The following REPIN1 variants were observed in gnomAD, a reference collection of about 807,000 sequenced individuals.
REPIN1 encodes the protein DNA-binding protein REPIN1.
In REPIN1, 4 loss-of-function variants were observed where a neutral mutation model predicts 5.7. The observed-to-expected ratio is 0.71, with a 90% CI of 0.35 to 1.62. The LOEUF is 1.62. REPIN1 is among the 40% of genes most tolerant of loss of function. The probability of loss-of-function intolerance (pLI) is 0.05; values close to 1 mark genes in which losing one functional copy is unlikely to be tolerated. For synonymous variants in REPIN1, 410 were observed against 386.2 expected (o/e 1.06, Z -0.72); for missense variants, 854 against 901.0 (o/e 0.95, Z 0.67).
In REPIN1 at chr7:150,372,544, G is replaced by A. The variant is rs1177806696; in HGVS notation, c.1474G>A (p.Glu492Lys). 10 of 1,574,150 alleles carry A rather than the reference G, an allele frequency of 6.4e-6. No individual in the cohort carries two copies. The highest frequency in any genetic ancestry group is 8.6e-6 in the Non-Finnish European group (10 of 1,165,610). ...HSGERPFACE[E>K]CGRRFSQGSH... is the part of the protein sequence containing the mutation. ...CGGCGAGCGGCCCTTCGCCTGCGAGGAGTGCGGCCGCCGCTTCTCCCAGGG... is the reference window on the plus strand; with the variant it reads ...CGGCGAGCGGCCCTTCGCCTGCGAGAAGTGCGGCCGCCGCTTCTCCCAGGG... Residue 492 changes from glutamate to lysine, a missense_variant, in exon 3 of 3, where the codon GAG becomes AAG. By Grantham distance (56) the Glu-to-Lys change is moderately conservative. This residue lies in a region of REPIN1 where 327 missense variants were observed against 307.8 expected (regional missense o/e 1.06). Transcript: ENST00000489432.
At position 150,372,011 on chromosome 7, in the gene REPIN1, T is replaced by C. The variant is rs769490756; in HGVS notation, c.941T>C (p.Val314Ala). Residue 314 changes from valine to alanine, a missense_variant, in exon 3 of 3, where the codon GTG (valine) becomes GCG (alanine). This residue lies in a region of REPIN1 where 12 missense variants were observed against 29.8 expected (regional missense o/e 0.40). Transcript: ENST00000489432. ...CCCAACTTGATCGCTCACCGCCGCGTGCACACGGGCGAGCGGCCCCACCAG... is the reference window on the plus strand; with the variant it reads ...CCCAACTTGATCGCTCACCGCCGCGCGCACACGGGCGAGCGGCCCCACCAG... ...HKPNLIAHRRVHTGERPHQCP... is the reference protein window; with the variant it reads ...HKPNLIAHRRAHTGERPHQCP... The C allele has an allele frequency of 2.5e-5, 40 of 1,611,902 alleles. No individual in the cohort carries two copies. Among genetic ancestry groups the C allele is most frequent in the Non-Finnish European group, 3.3e-5 (39 of 1,179,676 alleles).
chr7:150,370,973 CT>C (rs1799636597), intron 2 of REPIN1: 1 of 646,818 alleles, frequency 1.5e-6, no homozygotes, highest in Non-Finnish European at 2.8e-6. Context: ...GAGGGGGATT[CT>C]AGTATCAGAG....
chr7:150,372,506 C>G lies in REPIN1; in HGVS notation c.1436C>G (p.Ser479Trp), dbSNP rs371101994. Residue 479 changes from serine (S) to tryptophan (W), a missense_variant, in exon 3 of 3, where the codon TCG (serine) becomes TGG (tryptophan). By Grantham distance (177) the Ser-to-Trp change is radical. Transcript: ENST00000489432. Reference protein sequence around the residue: ...FGKKTHLVAHSRVHSGERPFA... With the variant: ...FGKKTHLVAHWRVHSGERPFA... ...AAGAAGACGCACCTGGTGGCGCACTCGCGCGTGCACTCCGGCGAGCGGCCC... is the reference window on the plus strand; with the variant it reads ...AAGAAGACGCACCTGGTGGCGCACTGGCGCGTGCACTCCGGCGAGCGGCCC... The G allele has an allele frequency of 9.1e-5, 141 of 1,545,426 alleles. No individual in the cohort carries two copies. The highest frequency in any genetic ancestry group is 2.9e-4 in the South Asian group (24 of 83,612).
Position 150,370,857 on chromosome 7 carries a change from CTGTAGGGAGCAG to C in REPIN1, c.158-368_158-357del, listed in dbSNP as rs1041561102. On this transcript the variant is annotated intron_variant, in intron 2 of 2. Transcript: ENST00000489432. Reference sequence around the variant, plus strand: ...CACAGGGAGAGGGCAGCATAAGGCACTGTAGGGAGCAGTGGCCACATTTTCTGGTGAGTCCTG... The same window carrying C: ...CACAGGGAGAGGGCAGCATAAGGCACTGGCCACATTTTCTGGTGAGTCCTG... 4.1e-5 allele frequency: 29 copies of C among 701,234 alleles called. No homozygotes were observed. The African/African-American group carries it at 4.2e-4, about 10-fold the overall frequency. 43.4% of individuals were successfully genotyped at this position (701,234 alleles called of 1,614,324 possible).
upstream of REPIN1, chr7:150,368,345 CGCGGCCGCAA>C (rs953036589): frequency 6.6e-6 from 1 of 152,158 alleles, no homozygotes; most frequent in Non-Finnish European, 1.5e-5. Flanking sequence ...CCGGGACCGC[CGCGGCCGCAA>C]GCGTCCGCAC....
Position 150,371,804 on chromosome 7 carries a change from A to G in REPIN1, c.734A>G (p.Gln245Arg). The G allele has an allele frequency of 6.2e-7, 1 of 1,610,700 alleles. No homozygotes were observed. Among genetic ancestry groups the G allele is most frequent in the Non-Finnish European group, 8.5e-7 (1 of 1,179,282 alleles). Residue 245 changes from glutamine to arginine, a missense_variant, in exon 3 of 3, where the codon CAG (glutamine) becomes CGG (arginine). By Grantham distance (43) the Gln-to-Arg change is conservative. Around this residue, in one of 5 missense-constraint regions of REPIN1, gnomAD observed 409 missense variants for 418.6 expected, o/e 0.98. Transcript: ENST00000489432. Reference protein sequence around the residue: ...ICGNCGRSFAQWDQLVAHKRV... With the variant: ...ICGNCGRSFARWDQLVAHKRV... Reference sequence around the variant, plus strand: ...GGCAACTGTGGCCGGAGCTTTGCCCAGTGGGACCAGCTAGTTGCCCACAAG... The same window carrying G: ...GGCAACTGTGGCCGGAGCTTTGCCCGGTGGGACCAGCTAGTTGCCCACAAG...
At position 150,371,873 on chromosome 7, in the gene REPIN1, C is replaced by T; in HGVS notation, c.803C>T (p.Ala268Val). The T allele has an allele frequency of 6.2e-7, 1 of 1,605,708 alleles. No individual in the cohort carries two copies. Among genetic ancestry groups the T allele is most frequent in the Non-Finnish European group, 8.5e-7 (1 of 1,176,648 alleles). ...AEALEEAAAK[A>V]LGPRPRGRPA... is the part of the protein sequence containing the mutation. The stretch of plus-strand genomic sequence containing the variant: ...GCCCTGGAGGAGGCCGCAGCCAAGG[C>T]TCTGGGGCCCCGGCCCAGGGGCCGC... Residue 268 changes from alanine (A) to valine (V), a missense_variant, in exon 3 of 3, where the codon GCT becomes GTT. Transcript: ENST00000489432.
At position 150,369,768 on chromosome 7, in the gene REPIN1, G is replaced by T. The variant is rs1194073012; in HGVS notation, c.57G>T (p.Arg19=). 1 of 1,613,906 alleles carries T rather than the reference G, an allele frequency of 6.2e-7. No individual in the cohort carries two copies. The highest frequency in any genetic ancestry group is 1.7e-5 in the Admixed American group (1 of 60,026). The change falls in exon 2 of 3, where the codon CGG becomes CGT. Residue 19 remains arginine, a synonymous_variant. Transcript: ENST00000489432. ...LQFSLTPGGY[R]SVGRSRRCSR... ...TTTCTCTAACACCTGGGGGCTACCG[G>T]AGTGTGGGCCGAAGCAGGCGCTGCA...
In REPIN1 at chr7:150,374,003, C is replaced by G. The variant is rs1232321610; in HGVS notation, c.*1058C>G. On this transcript the variant is annotated 3_prime_UTR_variant, in exon 3 of 3. Coordinates refer to ENST00000489432, the MANE Select transcript of REPIN1 (RefSeq NM_001099695.2). ...CTAAACAGAACAACCATTTACCCCT[C>G]CTTTTCAAACTAGAGAATAAAGATT... 1.2e-5 allele frequency: 2 copies of G among 167,128 alleles called. No homozygotes were observed. Among genetic ancestry groups the G allele is most frequent in the Non-Finnish European group, 2.9e-5 (2 of 68,130 alleles). 10.4% of individuals were successfully genotyped at this position (167,128 alleles called of 1,614,324 possible). A position where few individuals can be genotyped will look rare whatever the true frequency, so the allele number is the denominator to read the frequency against.
At position 150,372,103 on chromosome 7, in the gene REPIN1, G is replaced by T; in HGVS notation, c.1033G>T (p.Gly345Cys). The T allele has an allele frequency of 1.2e-6, 2 of 1,612,172 alleles. No individual in the cohort carries two copies. The highest frequency in any genetic ancestry group is 1.7e-6 in the Non-Finnish European group (2 of 1,179,640). The change falls in exon 3 of 3, where the codon GGC (glycine) becomes TGC (cysteine). Residue 345 changes from glycine to cysteine, a missense_variant. Gly to Cys is a radical substitution (Grantham distance 159, BLOSUM62 -3). Transcript: ENST00000489432. ...YLTSHRRIHTGEKPYPCKECG... is the reference protein window; with the variant it reads ...YLTSHRRIHTCEKPYPCKECG... ...GACTTCGCACCGGCGCATCCACACCGGCGAGAAGCCCTACCCGTGCAAAGA... is the reference window on the plus strand; with the variant it reads ...GACTTCGCACCGGCGCATCCACACCTGCGAGAAGCCCTACCCGTGCAAAGA...
In REPIN1 at chr7:150,372,341, C is replaced by G. The variant is rs1485052560; in HGVS notation, c.1271C>G (p.Pro424Arg). Reference protein sequence around the residue: ...PGAPPEHPQDPIEAPPSLYSC... With the variant: ...PGAPPEHPQDRIEAPPSLYSC... Reference sequence around the variant, plus strand: ...GCCCCGCCAGAGCACCCGCAGGACCCGATCGAAGCCCCCCCCTCCCTCTAC... The same window carrying G: ...GCCCCGCCAGAGCACCCGCAGGACCGGATCGAAGCCCCCCCCTCCCTCTAC... The change falls in exon 3 of 3, where the codon CCG (proline) becomes CGG (arginine). Residue 424 changes from proline (P) to arginine (R), a missense_variant. Pro to Arg is a moderately radical substitution (Grantham distance 103). Transcript: ENST00000489432. 5.7e-5 allele frequency: 86 copies of G among 1,517,008 alleles called. No homozygotes were observed. The highest frequency in any genetic ancestry group is 6.5e-5 in the Non-Finnish European group (74 of 1,139,588). 94.0% of individuals were successfully genotyped at this position (1,517,008 alleles called of 1,614,324 possible). A position where few individuals can be genotyped will look rare whatever the true frequency, so the allele number is the denominator to read the frequency against.
In REPIN1 at chr7:150,372,227, G is replaced by T. The variant is rs763253824; in HGVS notation, c.1157G>T (p.Ser386Ile). ...GSAQAAPGPGSPQLPAGPQES... is the reference protein window; with the variant it reads ...GSAQAAPGPGIPQLPAGPQES... ...GCCCAGGCCGCCCCCGGCCCGGGGAGCCCCCAGCTGCCAGCCGGCCCCCAG... is the reference window on the plus strand; with the variant it reads ...GCCCAGGCCGCCCCCGGCCCGGGGATCCCCCAGCTGCCAGCCGGCCCCCAG... Residue 386 changes from serine (S) to isoleucine (I), a missense_variant, in exon 3 of 3, where the codon AGC becomes ATC. Ser to Ile is a moderately radical substitution (Grantham distance 142, BLOSUM62 -2). Coordinates refer to ENST00000489432, the MANE Select transcript of REPIN1 (RefSeq NM_001099695.2). The T allele has an allele frequency of 5.1e-6, 8 of 1,558,844 alleles. No homozygotes were observed. The South Asian group carries it at 9.2e-5, about 18-fold the overall frequency.
chr7:150,371,160 G>A, intron 2 of REPIN1, 68 bp from the exon 3 acceptor site: 3 of 1,473,712 alleles, frequency 2.0e-6, no homozygotes, highest in Non-Finnish European at 2.7e-6. Flanking sequence ...CCGGGGCTGA[G>A]GTTGGGAGGG....
In REPIN1 at chr7:150,370,127, G is replaced by A. The variant is rs577677081; in HGVS notation, c.157+259G>A. 2.4e-5 allele frequency: 10 copies of A among 423,408 alleles called. No individual in the cohort carries two copies. In the East Asian group the frequency reaches 3.8e-4, roughly 16 times the overall value. 26.2% of individuals were successfully genotyped at this position (423,408 alleles called of 1,614,324 possible). A position where few individuals can be genotyped will look rare whatever the true frequency, so the allele number is the denominator to read the frequency against. The stretch of plus-strand genomic sequence containing the variant: ...CTAACTGCTTCCTTCCTCCTTCCGC[G>A]GAGGAGGCTCCTGTGCAGGAATCTG... On this transcript the variant is annotated intron_variant, in intron 2 of 2. Transcript: ENST00000489432.
chr7:150,369,945 A>G, intron 2 of REPIN1, 77 bp downstream of exon 2: 1 of 1,501,338 alleles, frequency 6.7e-7, no homozygotes. Flanking sequence ...CGGCGGAAGG[A>G]AATGGCCCTT....
Position 150,372,149 on chromosome 7 carries a change from A to G in REPIN1, c.1079A>G (p.His360Arg). 3 of 1,611,522 alleles carry G rather than the reference A, an allele frequency of 1.9e-6. No individual in the cohort carries two copies. The highest frequency in any genetic ancestry group is 2.5e-6 in the Non-Finnish European group (3 of 1,179,414). ...PCKECGRRFR[H>R]KPNLLSHSKI... The stretch of plus-strand genomic sequence containing the variant: ...AAAGAGTGCGGCCGCCGCTTCCGGC[A>G]CAAACCCAACCTGCTGTCTCACAGC... Residue 360 changes from histidine to arginine, a missense_variant, in exon 3 of 3, where the codon CAC becomes CGC. Coordinates refer to ENST00000489432, the MANE Select transcript of REPIN1 (RefSeq NM_001099695.2).
rs780820773 is a variant in REPIN1, at chr7:150,370,618, C to T, written c.158-610C>T. On this transcript the variant is annotated intron_variant, in intron 2 of 2. Coordinates refer to ENST00000489432, the MANE Select transcript of REPIN1 (RefSeq NM_001099695.2). ...CTTTTTCTCTGAGATCTTTGCAAAC[C>T]CAGGCGCTTTAGAGGAAAGAACACT... is the stretch of plus-strand genomic sequence containing the variant. 434 of 642,884 alleles carry T rather than the reference C, an allele frequency of 6.8e-4. 3 individuals are homozygous for T. The highest frequency in any genetic ancestry group is 1.1e-4 in the Non-Finnish European group (41 of 357,382). 39.8% of individuals were successfully genotyped at this position (642,884 alleles called of 1,614,324 possible). A position where few individuals can be genotyped will look rare whatever the true frequency, so the allele number is the denominator to read the frequency against.
intron 2 of REPIN1, chr7:150,370,208 G>A (rs542929048): frequency 1.9e-4 from 55 of 282,534 alleles, no homozygotes; most frequent in Admixed American, 1.9e-3. Flanking sequence ...CGAGGTTGGG[G>A]CAGGACCGGG....
chr7:150,371,311 T>C lies in REPIN1; in HGVS notation c.241T>C (p.Ser81Pro), dbSNP rs1799696888. The change falls in exon 3 of 3, where the codon TCC (serine) becomes CCC (proline). Residue 81 changes from serine (S) to proline (P), a missense_variant. Around this residue, in one of 5 missense-constraint regions of REPIN1, gnomAD observed 409 missense variants for 418.6 expected, o/e 0.98. Transcript: ENST00000489432. ...LAQPRLLSGPSQESPQTLGKE... is the reference protein window; with the variant it reads ...LAQPRLLSGPPQESPQTLGKE... ...CCAGCCCCGACTCCTTTCTGGGCCC[T>C]CCCAGGAGTCACCCCAGACCCTGGG... 3.2e-6 allele frequency: 5 copies of C among 1,586,260 alleles called. No individual in the cohort carries two copies. In the African/African-American group the frequency reaches 5.4e-5, roughly 17 times the overall value.
Sources: allele counts gnomAD v4.1 joint callset, GRCh38; gene constraint gnomAD v4.1.1; regional missense constraint gnomAD v4.1.1; transcripts MANE v1.5; gene names NCBI Gene and HGNC (gene_info 2026-07-23, HGNC 2026-07-21).